The following NEMP1 variants were observed in gnomAD, a reference collection of about 807,000 sequenced individuals.
The protein encoded by NEMP1 is transmembrane protein 194.
NEMP1 carries 29 observed loss-of-function variants against 53.7 expected under a neutral mutation model. The ratio of observed to expected loss-of-function variants is 0.54; its 90% CI spans 0.40 to 0.74. NEMP1 has a LOEUF of 0.74. NEMP1 is among the 30% of genes least tolerant of loss of function. The pLI is 0.00. For synonymous variants in NEMP1, 193 were observed against 192.9 expected, an observed-to-expected ratio of 1.00 and a Z score of 0.00; for missense variants, 477 against 528.6, an observed-to-expected ratio of 0.90 and a Z score of 0.96.
intron 4 of NEMP1, among the ~76,000 whole-genome samples, chr12:57,064,984 T>C (rs755507947): frequency 6.6e-6 from 1 of 152,346 alleles, no homozygotes; most frequent in East Asian, 1.9e-4. Context: ...CACTATATTA[T>C]AGTATATTAA....
Position 57,060,923 on chromosome 12 carries a change from T to C in NEMP1, c.1003A>G (p.Lys335Glu). 1 of 1,614,012 alleles carries C rather than the reference T, an allele frequency of 6.2e-7. No individual in the cohort carries two copies. The highest frequency in any genetic ancestry group is 8.5e-7 in the Non-Finnish European group (1 of 1,179,970). ...GTCAGGAGACGAGGGGGAACAGGCTTTTCTGCTCCCTTACACACCTTTCTG... is the reference window on the plus strand; with the variant it reads ...GTCAGGAGACGAGGGGGAACAGGCTCTTCTGCTCCCTTACACACCTTTCTG... ...TCRKVCKGAE[K>E]PVPPRLLTEE... Residue 335 changes from lysine (K) to glutamate (E), a missense_variant, in exon 8 of 9, where the codon AAG becomes GAG. Transcript: ENST00000300128.
chr12:57,062,887 A>T (rs924032303), intron 7 of NEMP1, among the ~76,000 whole-genome samples: 6 of 152,150 alleles, frequency 3.9e-5, no homozygotes, highest in African/African-American at 1.4e-4. Flanking sequence ...GGTAACAGGA[A>T]CACATGACAT....
intron 7 of NEMP1, among the ~76,000 whole-genome samples, chr12:57,061,609 C>T (rs1200101812): frequency 4.1e-5 from 6 of 147,918 alleles, no homozygotes; most frequent in Non-Finnish European, 8.9e-5. Context: ...AGGACAATCG[C>T]TTGAACCAGG....
At chr12:57,083,954 C>CTGTGT (rs2032919248) in intron 1 of NEMP1, among the ~76,000 whole-genome samples, 1 of 144,342 alleles carries the variant, frequency 6.9e-6, no homozygotes, top group African/African-American at 2.6e-5. Flanking sequence ...TTGTTTTCTT[C>CTGTGT]TGTTTTGTTT....
At chr12:57,060,747 G>T in intron 8 of NEMP1, 25 bp downstream of exon 8, 1 of 1,602,068 alleles carries the variant, frequency 6.2e-7, no homozygotes, top group Non-Finnish European at 8.5e-7. Context: ...CCTGATAGAT[G>T]CTTGGTATAT....
rs1374862850 is a variant in NEMP1 at position 57,057,338 on chromosome 12, CT to C, written c.*2540del. ...TTCAATCCTTCTTGATGAGATTGGT[CT>C]GAGAGATGAGACTGTACTGAAATCA... On this transcript the variant is annotated 3_prime_UTR_variant, in exon 9 of 9. Transcript: ENST00000300128. 2 of 152,192 alleles carry C rather than the reference CT, an allele frequency of 1.3e-5. No individual in the cohort carries two copies. Among genetic ancestry groups the C allele is most frequent in the Non-Finnish European group, 2.9e-5 (2 of 68,046 alleles). 9.4% of individuals were successfully genotyped at this position (152,192 alleles called of 1,614,324 possible).
At chr12:57,078,315 C>G (rs1028443707) in intron 1 of NEMP1, among the ~76,000 whole-genome samples, 4 of 152,088 alleles carry the variant, frequency 2.6e-5, no homozygotes, top group African/African-American at 9.7e-5. Flanking sequence ...AAACTCAAGG[C>G]TTCTGCAACG....
chr12:57,063,030 G>T, intron 7 of NEMP1, 89 bp downstream of exon 7: 2 of 971,880 alleles, frequency 2.1e-6, no homozygotes, highest in Non-Finnish European at 3.2e-6. Context: ...TAACAAAGAA[G>T]CTCCCAGGTC....
At chr12:57,082,410 T>C (rs2032873553), upstream of NEMP1, among the ~76,000 whole-genome samples, 1 of 152,194 alleles carries the variant, frequency 6.6e-6, no homozygotes, top group Non-Finnish European at 1.5e-5. Flanking sequence ...TCTGTACATG[T>C]AATGTTTCTA....
intron 7 of NEMP1, among the ~76,000 whole-genome samples, chr12:57,061,469 A>C (rs1428625690): frequency 6.6e-6 from 1 of 152,076 alleles, no homozygotes; most frequent in African/African-American, 2.4e-5. Flanking sequence ...CAAGGCAGGC[A>C]GATCACCTGA....
intron 1 of NEMP1, among the ~76,000 whole-genome samples, chr12:57,077,558 G>T (rs1416611200): frequency 2.0e-5 from 3 of 152,082 alleles, no homozygotes; most frequent in Non-Finnish European, 4.4e-5. Flanking sequence ...GAAAATTATT[G>T]TACTACAAAA....
chr12:57,062,989 A>G, intron 7 of NEMP1, 130 bp downstream of exon 7: 1 of 647,652 alleles, frequency 1.5e-6, no homozygotes, highest in Non-Finnish European at 2.7e-6. Context: ...GGAAGGAACA[A>G]AAGTGGAAGT....
chr12:57,062,741 G>A (rs986607876), intron 7 of NEMP1, among the ~76,000 whole-genome samples: 2 of 151,206 alleles, frequency 1.3e-5, no homozygotes, highest in Admixed American at 1.3e-4. Flanking sequence ...CTACTCAGGA[G>A]GCTGAGGCAG....
intron 1 of NEMP1, among the ~76,000 whole-genome samples, chr12:57,085,870 TA>T (rs1388150503): frequency 6.6e-6 from 1 of 152,002 alleles, no homozygotes; most frequent in Admixed American, 6.6e-5. Context: ...CCTTTGGGAG[TA>T]AAATCTGTGT....
chr12:57,087,524 G>A (rs546392748), intron 1 of NEMP1, among the ~76,000 whole-genome samples: 61 of 152,268 alleles, frequency 4.0e-4, no homozygotes, highest in Non-Finnish European at 7.2e-4. Flanking sequence ...GCACCCTCCA[G>A]TTGCGGGGCG....
chr12:57,062,987 C>T lies in NEMP1; in HGVS notation c.980+132G>A, dbSNP rs1297570269. ...AAAAAAAAATAGACTCGGGAAGGAA[C>T]AAAAGTGGAAGTACAATACAATGAC... On this transcript the variant is annotated intron_variant, in intron 7 of 8. Coordinates refer to ENST00000300128, the MANE Select transcript of NEMP1 (RefSeq NM_001130963.2). 5 of 612,948 alleles carry T rather than the reference C, an allele frequency of 8.2e-6. No homozygotes were observed. The South Asian group carries it at 8.5e-5, about 10-fold the overall frequency. The allele number at this position is 612,948 out of a possible 1,614,324, so 38.0% of individuals were successfully genotyped here.
chr12:57,075,183 G>A (rs1398181726), intron 1 of NEMP1, among the ~76,000 whole-genome samples: 1 of 151,094 alleles, frequency 6.6e-6, no homozygotes, highest in Admixed American at 6.6e-5. Flanking sequence ...TCAGCAGATT[G>A]AAACCATCCT....
chr12:57,074,276 A>G (rs1040747344), intron 1 of NEMP1, among the ~76,000 whole-genome samples: 1 of 146,622 alleles, frequency 6.8e-6, no homozygotes, highest in Admixed American at 6.8e-5. Flanking sequence ...CAGATCTGCC[A>G]CCATGCCCAG....
At position 57,058,605 on chromosome 12, in the gene NEMP1, CA is replaced by C. The variant is rs1241662093; in HGVS notation, c.*1273del. The stretch of plus-strand genomic sequence containing the variant: ...CTGCAATAACAGGCAGCATACATCT[CA>C]GGTCAGAAACGCAATCATAAATAAG... On this transcript the variant is annotated 3_prime_UTR_variant, in exon 9 of 9. Transcript: ENST00000300128. The C allele has an allele frequency of 6.6e-6, 1 of 152,204 alleles. No homozygotes were observed. Among genetic ancestry groups the C allele is most frequent in the East Asian group, 1.9e-4 (1 of 5,202 alleles). The allele number at this position is 152,204 out of a possible 1,614,324, so 9.4% of individuals were successfully genotyped here.
Sources: allele counts gnomAD v4.1 joint callset (sites outside exome capture counted in the v4.1 genomes callset), GRCh38; gene constraint gnomAD v4.1.1; transcripts MANE v1.5; gene names NCBI Gene and HGNC (gene_info 2026-07-23, HGNC 2026-07-21).